The following SYNE1 variants were observed in gnomAD, a reference collection of about 807,000 sequenced individuals.
SYNE1 encodes spectrin repeat containing nuclear envelope protein 1.
A neutral mutation model predicts 1,111.0 loss-of-function variants in SYNE1; 616 were observed. That is an observed-to-expected ratio of 0.55 (90% CI 0.52 to 0.59). The LOEUF (loss-of-function observed/expected upper bound fraction) is 0.59, where lower values mean the gene tolerates loss of function less well. SYNE1 is among the 20% of genes least tolerant of loss of function. The pLI is 0.00. For missense variants in SYNE1, 10,006 were observed against 10,417.0 expected, an observed-to-expected ratio of 0.96 and a Z score of 1.72; for synonymous variants, 3,855 against 3,825.8, an observed-to-expected ratio of 1.01 and a Z score of -0.28.
intron 121 of SYNE1, among the ~76,000 whole-genome samples, chr6:152,217,050 A>C (rs1330634380): frequency 6.7e-6 from 1 of 149,892 alleles, no homozygotes; most frequent in Non-Finnish European, 1.5e-5. Flanking sequence ...GCAATAGAGC[A>C]AGACTCTATC....
At chr6:152,411,550 C>T (rs1322454634) in intron 42 of SYNE1, among the ~76,000 whole-genome samples, 1 of 152,074 alleles carries the variant, frequency 6.6e-6, no homozygotes. Context: ...CCCAAATCGG[C>T]CAACTTGAAT....
intron 46 of SYNE1, chr6:152,402,535 G>A (rs1385471446): frequency 1.3e-5 from 2 of 152,176 alleles, no homozygotes; most frequent in African/African-American, 4.8e-5. Context: ...GGCAAATATA[G>A]CAGCAGTTAG....
In SYNE1 at chr6:152,318,212, C is replaced by A; in HGVS notation, c.16441G>T (p.Ala5481Ser). ...GCNSKLMELD[A>S]AVQKFLEQNG... Reference sequence around the variant, plus strand: ...TGTTCCAAGAATTTCTGTACTGCTGCATCTAATTCCATTAACTTTGAATTA... The same window carrying A: ...TGTTCCAAGAATTTCTGTACTGCTGAATCTAATTCCATTAACTTTGAATTA... The change falls in exon 86 of 146, where the codon GCA becomes TCA. Residue 5481 changes from alanine (A) to serine (S), a missense_variant. This residue lies in a region of SYNE1 where 4,955 missense variants were observed against 5,017.2 expected (regional missense o/e 0.99). Transcript: ENST00000367255. 2 of 1,614,168 alleles carry A rather than the reference C, an allele frequency of 1.2e-6. No individual in the cohort carries two copies. Among genetic ancestry groups the A allele is most frequent in the Non-Finnish European group, 1.7e-6 (2 of 1,180,036 alleles).
intron 3 of SYNE1, among the ~76,000 whole-genome samples, chr6:152,579,556 A>T (rs1389708002): frequency 6.6e-6 from 1 of 151,988 alleles, no homozygotes; most frequent in Non-Finnish European, 1.5e-5. Context: ...GTGCATGTAC[A>T]GGTTTGTTAC....
intron 17 of SYNE1, 34 bp from the exon 18 acceptor site, chr6:152,465,494 T>G (rs1244352659): frequency 3.2e-6 from 5 of 1,585,676 alleles, no homozygotes; most frequent in African/African-American, 1.3e-5. Flanking sequence ...AACCCTTATC[T>G]CATATTTTAA....
chr6:152,329,698 A>T (rs1051378606), intron 78 of SYNE1, 32 bp downstream of exon 78: 15 of 1,613,930 alleles, frequency 9.3e-6, no homozygotes, highest in Non-Finnish European at 1.3e-5. Flanking sequence ...AGCAGAGTGG[A>T]AAAAAGAGAA....
At chr6:152,500,950 CAAA>C (rs57436246) in intron 10 of SYNE1, among the ~76,000 whole-genome samples, 6 of 79,988 alleles carry the variant, frequency 7.5e-5, no homozygotes, top group Admixed American at 1.4e-4. Context: ...GACTCCATCT[CAAA>C]AAAAAAAAAA....
chr6:152,371,835 CAGGACAGGACAGGAA>C (rs2097188332), intron 59 of SYNE1, among the ~76,000 whole-genome samples: 4 of 53,252 alleles, frequency 7.5e-5, no homozygotes, highest in African/African-American at 2.8e-4. Flanking sequence ...AAGGACAGGA[CAGGACAGGACAGGAA>C]AGGAAAGGAA....
intron 144 of SYNE1, among the ~76,000 whole-genome samples, chr6:152,131,569 T>G (rs532416300): frequency 6.6e-6 from 1 of 152,222 alleles, no homozygotes; most frequent in Non-Finnish European, 1.5e-5. Context: ...CCTCTTTGTG[T>G]TCAGTGAGGC....
intron 142 of SYNE1, chr6:152,133,922 C>A: frequency 5.3e-6 from 1 of 189,462 alleles, no homozygotes; most frequent in Non-Finnish European, 1.1e-5. Flanking sequence ...ATTCGTCATT[C>A]ACAGCTTGAT....
intron 58 of SYNE1, 120 bp downstream of exon 58, chr6:152,376,261 G>A: frequency 1.9e-6 from 2 of 1,066,696 alleles, no homozygotes; most frequent in South Asian, 1.3e-5. Context: ...GTGCGGCCTG[G>A]TTCCTAACAG....
At chr6:152,507,234 C>T (rs1470391896) in intron 8 of SYNE1, among the ~76,000 whole-genome samples, 1 of 151,972 alleles carries the variant, frequency 6.6e-6, no homozygotes, top group African/African-American at 2.4e-5. Flanking sequence ...CTTGTTAAGC[C>T]ACCTCAAATT....
Position 152,556,782 on chromosome 6 carries a change from A to G in SYNE1, c.68-16761T>C, listed in dbSNP as rs9397524. ...GAACCCTTCCAGCTGACCTTTTCAG[A>G]ATCCTTGGTCAGGCTGACTGATGAA... is the stretch of plus-strand genomic sequence containing the variant. On this transcript the variant is annotated intron_variant, in intron 3 of 145. Coordinates refer to ENST00000367255, the MANE Select transcript of SYNE1 (RefSeq NM_182961.4). Among the ~76,000 whole-genome samples, 282 of 152,294 alleles carry G rather than the reference A, an allele frequency of 1.9e-3. 8 individuals carry two copies. In the East Asian group the frequency reaches 0.045, roughly 25 times the overall value.
At chr6:152,531,978 C>T (rs1391161888) in intron 4 of SYNE1, among the ~76,000 whole-genome samples, 1 of 152,164 alleles carries the variant, frequency 6.6e-6, no homozygotes, top group Non-Finnish European at 1.5e-5. Context: ...TTAATATCTC[C>T]TGAAGACCCT....
chr6:152,422,909 G>A (rs557597075), intron 39 of SYNE1, among the ~76,000 whole-genome samples: 11 of 152,252 alleles, frequency 7.2e-5, no homozygotes, highest in African/African-American at 2.6e-4. Context: ...GGGAACTGAA[G>A]GAAATCAAAA....
rs1276480617 is a variant in SYNE1, at chr6:152,249,191, C to T, written c.19542G>A (p.Val6514=). The T allele has an allele frequency of 1.2e-6, 2 of 1,613,850 alleles. No individual in the cohort carries two copies. The highest frequency in any genetic ancestry group is 2.2e-5 in the East Asian group (1 of 44,876). ...KYIILQKLAN[V]FEQPVAEQIE... is the part of the protein sequence containing the mutation. Reference sequence around the variant, plus strand: ...TTTGTTCTGCTACGGGCTGTTCAAACACATTTGCCAGTTTTTGCAGAATGA... The same window carrying T: ...TTTGTTCTGCTACGGGCTGTTCAAATACATTTGCCAGTTTTTGCAGAATGA... Residue 6514 remains valine, a synonymous_variant, in exon 105 of 146, where the codon GTG becomes GTA. Coordinates refer to ENST00000367255, the MANE Select transcript of SYNE1 (RefSeq NM_182961.4).
chr6:152,426,665 A>G (rs2098361463), intron 38 of SYNE1, among the ~76,000 whole-genome samples: 1 of 152,258 alleles, frequency 6.6e-6, no homozygotes, highest in African/African-American at 2.4e-5. Context: ...TGTATTTGCA[A>G]GAAGACAGGA....
chr6:152,317,092 T>C lies in SYNE1; in HGVS notation c.16573-106A>G. The C allele has an allele frequency of 3.1e-6, 4 of 1,296,482 alleles. No individual in the cohort carries two copies. The South Asian group carries it at 4.9e-5, about 16-fold the overall frequency. The allele number at this position is 1,296,482 out of a possible 1,614,324, so 80.3% of individuals were successfully genotyped here. A position where few individuals can be genotyped will look rare whatever the true frequency, so the allele number is the denominator to read the frequency against. On this transcript the variant is annotated intron_variant, in intron 86 of 145. Coordinates refer to ENST00000367255, the MANE Select transcript of SYNE1 (RefSeq NM_182961.4). ...ACACAACAGTCTTAGGGGTTGATCA[T>C]TATAATACCTATGATATTCAATGGT...
At position 152,480,522 on chromosome 6, in the gene SYNE1, C is replaced by CAAT. The variant is rs761755132; in HGVS notation, c.1350+2560_1350+2562dup. On this transcript the variant is annotated intron_variant, in intron 14 of 145. Transcript: ENST00000367255. Reference sequence around the variant, plus strand: ...AGAGTGACAAAGCGAGCCTCCATTTCAATAATAATAATAATTCAAGCTTTT... The same window carrying CAAT: ...AGAGTGACAAAGCGAGCCTCCATTTCAATAATAATAATAATAATTCAAGCTTTT... Among the ~76,000 whole-genome samples, 16 of 152,166 alleles carry CAAT rather than the reference C, an allele frequency of 1.1e-4. 1 individual carries two copies. In the South Asian group the frequency reaches 2.9e-3, roughly 28 times the overall value.
Sources: gnomAD v4.1 joint callset for allele counts (sites outside exome capture counted in the v4.1 genomes callset) on GRCh38, gnomAD v4.1.1 for gene constraint, gnomAD v4.1.1 regional missense constraint, MANE v1.5 for transcripts, NCBI Gene and HGNC (gene_info 2026-07-23, HGNC 2026-07-21) for gene names.